Variants in CDH23 observed in about 807,000 individuals in gnomAD.
The protein encoded by CDH23 is cadherin-23.
A neutral mutation model predicts 317.1 loss-of-function variants in CDH23; 189 were observed. The ratio of observed to expected loss-of-function variants is 0.60; its 90% CI spans 0.53 to 0.67. CDH23 has a LOEUF of 0.67. Ranked by LOEUF, CDH23 falls within the 30% of genes least tolerant of loss-of-function variation. CDH23 has a pLI of 0.00. For synonymous variants in CDH23, 1,839 were observed against 1,876.8 expected, an observed-to-expected ratio of 0.98 and a Z score of 0.52; for missense variants, 4,401 against 4,592.4, an observed-to-expected ratio of 0.96 and a Z score of 1.20.
intron 60 of CDH23, 51 bp downstream of exon 60, chr10:71,808,058 T>C: frequency 6.4e-7 from 1 of 1,551,666 alleles, no homozygotes; most frequent in South Asian, 1.2e-5. Flanking sequence ...TCTCAGTCAC[T>C]GCATGGACTG....
intron 30 of CDH23, among the ~76,000 whole-genome samples, chr10:71,726,436 A>G (rs1810399354): frequency 6.6e-6 from 1 of 152,182 alleles, no homozygotes; most frequent in South Asian, 2.1e-4. Flanking sequence ...CTGATTGCTC[A>G]GGGGCTGTGC....
At chr10:71,432,179 GGTGGCAGAACGCAATT>G (rs1379515481) in intron 1 of CDH23, among the ~76,000 whole-genome samples, 1 of 152,102 alleles carries the variant, frequency 6.6e-6, no homozygotes, top group Non-Finnish European at 1.5e-5. Context: ...TCCTGGAGGG[GGTGGCAGAACGCAATT>G]GTGTGTGTGT....
chr10:71,563,634 A>G (rs1857240797), intron 6 of CDH23, among the ~76,000 whole-genome samples: 1 of 152,166 alleles, frequency 6.6e-6, no homozygotes, highest in Non-Finnish European at 1.5e-5. Context: ...TACTATAGTA[A>G]TAAGTGCAAT....
chr10:71,809,892 T>C lies in CDH23; in HGVS notation c.8795T>C (p.Ile2932Thr). The change falls in exon 61 of 70, where the codon ATT becomes ACT. Residue 2932 changes from isoleucine (I) to threonine (T), a missense_variant. Ile to Thr is a moderately conservative substitution (Grantham distance 89, BLOSUM62 -1). Coordinates refer to ENST00000224721, the MANE Select transcript of CDH23 (RefSeq NM_022124.6). ...AYSPGYFVVD[I>T]VARDLAGHND... ...AGCCCCGGCTACTTCGTGGTGGACA[T>C]TGTGGCCCGAGACCTGGCAGGCCAC... The C allele has an allele frequency of 1.2e-6, 2 of 1,613,390 alleles. No individual in the cohort carries two copies. The highest frequency in any genetic ancestry group is 1.7e-6 in the Non-Finnish European group (2 of 1,179,882).
intron 3 of CDH23, among the ~76,000 whole-genome samples, chr10:71,450,634 T>C (rs533076040): frequency 6.6e-6 from 1 of 152,328 alleles, no homozygotes; most frequent in East Asian, 1.9e-4. Context: ...TCTGTGTTGC[T>C]AAATCCCATC....
intron 23 of CDH23, 36 bp from the exon 24 acceptor site, chr10:71,702,513 C>T (rs1164050538): frequency 6.2e-7 from 1 of 1,613,362 alleles, no homozygotes; most frequent in Non-Finnish European, 8.5e-7. Flanking sequence ...CCCATCTTAC[C>T]CTGTCCTTGG....
In CDH23 at chr10:71,705,112, AG is replaced by A; in HGVS notation, c.2936del (p.Ser979ThrfsTer10). On this transcript the variant is annotated frameshift_variant, in exon 25 of 70. Coordinates refer to ENST00000224721, the MANE Select transcript of CDH23 (RefSeq NM_022124.6). LOFTEE classifies it high-confidence loss of function. ...AGGCACGCCCACCAAGAGCTCCACCAGCACGCTCACCATCCATGGTGAGGGG... is the reference window on the plus strand; with the variant it reads ...AGGCACGCCCACCAAGAGCTCCACCACACGCTCACCATCCATGGTGAGGGG... ...DAGTPTKSST[S>X]TLTIHVLDVN... 1 of 1,610,332 alleles carries A rather than the reference AG, an allele frequency of 6.2e-7. No individual in the cohort carries two copies. The highest frequency in any genetic ancestry group is 8.5e-7 in the Non-Finnish European group (1 of 1,178,666).
At position 71,793,461 on chromosome 10, in the gene CDH23, T is replaced by A. The variant is rs772953914; in HGVS notation, c.6533T>A (p.Ile2178Asn). ...NDSRPEFLNP[I>N]QTVSVLESAE... ...TCCCGCCCCGAGTTCCTCAACCCCA[T>A]CCAGACAGTGAGCGTGCTGGAGTCG... Residue 2178 changes from isoleucine (I) to asparagine (N), a missense_variant, in exon 48 of 70, where the codon ATC becomes AAC. Transcript: ENST00000224721. The A allele has an allele frequency of 3.1e-6, 5 of 1,613,762 alleles. No individual in the cohort carries two copies. In the Admixed American group the frequency reaches 6.7e-5, roughly 22 times the overall value.
At chr10:71,405,824 A>C (rs745415058) in intron 1 of CDH23, among the ~76,000 whole-genome samples, 1 of 152,048 alleles carries the variant, frequency 6.6e-6, no homozygotes, top group South Asian at 2.1e-4. Context: ...GTGCTTTAAG[A>C]TCTCACATCT....
At chr10:71,792,849 AAAAAT>A (rs1841297239) in intron 47 of CDH23, among the ~76,000 whole-genome samples, 1 of 74,598 alleles carries the variant, frequency 1.3e-5, no homozygotes, top group African/African-American at 4.9e-5. Flanking sequence ...AAAAAAAAAA[AAAAAT>A]ATATATATAT....
chr10:71,492,959 G>A (rs975925969), intron 3 of CDH23, among the ~76,000 whole-genome samples: 1 of 152,178 alleles, frequency 6.6e-6, no homozygotes, highest in African/African-American at 2.4e-5. Flanking sequence ...ACTTGCCTAG[G>A]CTACACAGAA....
At chr10:71,444,704 T>C (rs1850072989) in intron 2 of CDH23, among the ~76,000 whole-genome samples, 1 of 152,156 alleles carries the variant, frequency 6.6e-6, no homozygotes. Context: ...AGGAGGCATC[T>C]TGGGTTGGAG....
intron 1 of CDH23, among the ~76,000 whole-genome samples, chr10:71,403,855 C>T (rs1392639011): frequency 1.3e-5 from 2 of 150,664 alleles, no homozygotes; most frequent in African/African-American, 2.4e-5. Context: ...TTTGGGAGGC[C>T]GAGGTGGGTG....
chr10:71,793,535 C>T lies in CDH23; in HGVS notation c.6607C>T (p.Leu2203Phe). 8.1e-6 allele frequency: 13 copies of T among 1,613,826 alleles called. No individual in the cohort carries two copies. The highest frequency in any genetic ancestry group is 1.1e-5 in the Non-Finnish European group (13 of 1,179,894). The change falls in exon 48 of 70, where the codon CTC (leucine) becomes TTC (phenylalanine). Residue 2203 changes from leucine (L) to phenylalanine (F), a missense_variant. By Grantham distance (22) the Leu-to-Phe change is conservative. Transcript: ENST00000224721. The part of the protein sequence containing the change: ...IANITAIDHD[L>F]NPKLEYHIVG... Reference sequence around the variant, plus strand: ...CAATATCACGGCCATTGACCACGACCTCAACCCAAAGCTAGAGTACCACAT... The same window carrying T: ...CAATATCACGGCCATTGACCACGACTTCAACCCAAAGCTAGAGTACCACAT...
chr10:71,759,120 C>T (rs1840226081), intron 38 of CDH23, among the ~76,000 whole-genome samples: 1 of 152,014 alleles, frequency 6.6e-6, no homozygotes, highest in Non-Finnish European at 1.5e-5. Context: ...TCACTGTAAC[C>T]TCTGACTCCC....
intron 9 of CDH23, among the ~76,000 whole-genome samples, chr10:71,585,328 C>T (rs943446648): frequency 6.6e-6 from 1 of 152,142 alleles, no homozygotes; most frequent in African/African-American, 2.4e-5. Context: ...ACCCTAGACC[C>T]ACATGTACCA....
chr10:71,582,113 C>T (rs1361568716), intron 9 of CDH23, among the ~76,000 whole-genome samples: 2 of 152,222 alleles, frequency 1.3e-5, no homozygotes, highest in Non-Finnish European at 2.9e-5. Context: ...TGTCAAGTAA[C>T]AAGCAGGACC....
At chr10:71,632,006 G>T (rs1862036689) in intron 11 of CDH23, among the ~76,000 whole-genome samples, 1 of 152,346 alleles carries the variant, frequency 6.6e-6, no homozygotes, top group African/African-American at 2.4e-5. Flanking sequence ...AAAGAGACGG[G>T]ACAAAGAAGT....
At chr10:71,737,732 G>T (rs1437296169) in intron 34 of CDH23, 1 of 470,894 alleles carries the variant, frequency 2.1e-6, no homozygotes, top group East Asian at 6.9e-5. Flanking sequence ...GGGTACCTGT[G>T]ATTCCAGCCG....
Sources: allele counts gnomAD v4.1 joint callset (sites outside exome capture counted in the v4.1 genomes callset), GRCh38; gene constraint gnomAD v4.1.1; transcripts MANE v1.5; gene names NCBI Gene and HGNC (gene_info 2026-07-23, HGNC 2026-07-21).